CNTN4: variants seen among roughly 807,000 people sequenced by gnomAD.
CNTN4 encodes the protein contactin 4, also known as contactin-4.
Under a neutral mutation model 122.5 loss-of-function variants are expected in CNTN4, and 77 were observed. The ratio of observed to expected loss-of-function variants is 0.63; its 90% CI spans 0.52 to 0.76. The LOEUF (loss-of-function observed/expected upper bound fraction) is 0.76, where lower values mean the gene tolerates loss of function less well. Among genes scored for constraint, CNTN4 ranks in the 30% least tolerant of loss-of-function variants. CNTN4 has a pLI of 0.00. For missense variants in CNTN4, 1,256 were observed against 1,259.1 expected (o/e 1.00, Z 0.04); for synonymous variants, 512 against 447.0 (o/e 1.15, Z -1.83).
chr3:2,728,187 C>T (rs1241705305), intron 4 of CNTN4, among the ~76,000 whole-genome samples: 1 of 152,222 alleles, frequency 6.6e-6, no homozygotes, highest in African/African-American at 2.4e-5. Context: ...AATTCTTGCA[C>T]TCAGGAAAAT....
chr3:2,671,505 A>G (rs1053351945), intron 4 of CNTN4, among the ~76,000 whole-genome samples: 6 of 151,998 alleles, frequency 3.9e-5, no homozygotes, highest in Non-Finnish European at 7.4e-5. Context: ...TCTTTTTTCA[A>G]GGTTTTTAAC....
chr3:2,800,933 C>A (rs1397864540), intron 6 of CNTN4, among the ~76,000 whole-genome samples: 1 of 152,208 alleles, frequency 6.6e-6, no homozygotes, highest in Non-Finnish European at 1.5e-5. Flanking sequence ...CTTCCTGAAA[C>A]TTACCCAGAG....
intron 4 of CNTN4, among the ~76,000 whole-genome samples, chr3:2,721,365 G>C (rs111936950): frequency 1.3e-3 from 203 of 152,272 alleles, no homozygotes; most frequent in Middle Eastern, 6.8e-3. Context: ...GAGTAACCAA[G>C]GCTTTTGGGG....
At chr3:2,960,238 G>T (rs2094839238) in intron 13 of CNTN4, among the ~76,000 whole-genome samples, 1 of 152,094 alleles carries the variant, frequency 6.6e-6, no homozygotes, top group Non-Finnish European at 1.5e-5. Flanking sequence ...TGTCACTTTG[G>T]TTCATGTTAG....
intron 3 of CNTN4, among the ~76,000 whole-genome samples, chr3:2,396,090 T>A (rs1193530735): frequency 6.6e-6 from 1 of 151,900 alleles, no homozygotes; most frequent in Non-Finnish European, 1.5e-5. Flanking sequence ...AATGACATGA[T>A]CATGGCTCAC....
At chr3:2,591,736 C>G (rs1319722000) in intron 4 of CNTN4, among the ~76,000 whole-genome samples, 3 of 151,936 alleles carry the variant, frequency 2.0e-5, no homozygotes, top group African/African-American at 7.3e-5. Context: ...TTTTGAAAGG[C>G]CTAAACGAAG....
At chr3:2,738,521 C>T (rs912849253) in intron 5 of CNTN4, among the ~76,000 whole-genome samples, 2 of 152,048 alleles carry the variant, frequency 1.3e-5, no homozygotes, top group African/African-American at 2.4e-5. Flanking sequence ...GATAGAAGAG[C>T]TGAGCTACAA....
At chr3:2,485,026 C>T (rs879565218) in intron 3 of CNTN4, among the ~76,000 whole-genome samples, 23 of 152,330 alleles carry the variant, frequency 1.5e-4, no homozygotes, top group East Asian at 3.9e-4. Context: ...CCACTGGCCC[C>T]GGGCAGTGAG....
intron 7 of CNTN4, among the ~76,000 whole-genome samples, chr3:2,848,597 A>T (rs949120412): frequency 6.6e-6 from 1 of 152,232 alleles, no homozygotes; most frequent in Non-Finnish European, 1.5e-5. Context: ...ATTTTTTGGC[A>T]TAAAAGTCCT....
chr3:2,110,970 T>C (rs1313810931), intron 2 of CNTN4, among the ~76,000 whole-genome samples: 2 of 152,184 alleles, frequency 1.3e-5, no homozygotes, highest in Admixed American at 1.3e-4. Context: ...GTTGGCTATC[T>C]TACCTGTAGT....
At chr3:2,631,887 AAC>A (rs1559327680) in intron 4 of CNTN4, among the ~76,000 whole-genome samples, 1,464 of 133,214 alleles carry the variant, frequency 0.011, 35 homozygotes, top group Admixed American at 0.018. Context: ...AACAAAAAAA[AAC>A]AACAACTAAA....
chr3:2,866,401 A>T, intron 7 of CNTN4: 2 of 1,056,254 alleles, frequency 1.9e-6, no homozygotes, highest in South Asian at 5.5e-5. Flanking sequence ...TCAAGATTAT[A>T]GGCACCCTGG....
intron 2 of CNTN4, among the ~76,000 whole-genome samples, chr3:2,101,125 A>G (rs1373850497): frequency 6.6e-6 from 1 of 152,202 alleles, no homozygotes; most frequent in Non-Finnish European, 1.5e-5. Context: ...ATTAAGAGTG[A>G]TTAGAGAACA....
At chr3:2,868,937 G>A (rs747927597) in intron 8 of CNTN4, among the ~76,000 whole-genome samples, 1 of 151,860 alleles carries the variant, frequency 6.6e-6, no homozygotes, top group Non-Finnish European at 1.5e-5. Context: ...GCAAGAAACC[G>A]GCCCTCTTAA....
intron 2 of CNTN4, among the ~76,000 whole-genome samples, chr3:2,328,389 G>C (rs574367560): frequency 6.6e-6 from 1 of 151,714 alleles, no homozygotes; most frequent in African/African-American, 2.4e-5. Context: ...CTGGGCGACA[G>C]AGCGAGACTC....
chr3:2,590,527 G>A (rs2080421195), intron 4 of CNTN4, among the ~76,000 whole-genome samples: 1 of 151,782 alleles, frequency 6.6e-6, no homozygotes, highest in Admixed American at 6.6e-5. Context: ...CTGCTTGGGT[G>A]GCTTACTGTT....
intron 3 of CNTN4, among the ~76,000 whole-genome samples, chr3:2,461,199 A>T (rs2049192989): frequency 6.6e-6 from 1 of 151,916 alleles, no homozygotes; most frequent in Non-Finnish European, 1.5e-5. Flanking sequence ...TGTGTTCTCT[A>T]CTCTTAAATA....
intron 4 of CNTN4, among the ~76,000 whole-genome samples, chr3:2,683,656 T>A (rs2150513225): frequency 6.7e-6 from 1 of 148,500 alleles, no homozygotes; most frequent in East Asian, 2.0e-4. Flanking sequence ...AAAAAAAAAA[T>A]TGTGGAACAG....
At chr3:2,618,563 T>G (rs1201862152) in intron 4 of CNTN4, among the ~76,000 whole-genome samples, 5 of 152,166 alleles carry the variant, frequency 3.3e-5, no homozygotes, top group African/African-American at 1.2e-4. Context: ...TTGATCCTAT[T>G]CCAGAAACTA....
Sources: allele counts gnomAD v4.1 joint callset (sites outside exome capture counted in the v4.1 genomes callset), GRCh38; gene constraint gnomAD v4.1.1; transcripts MANE v1.5; gene names NCBI Gene and HGNC (gene_info 2026-07-23, HGNC 2026-07-21).